The following ALG1L2 variants were observed in gnomAD, a reference collection of about 807,000 sequenced individuals.
ALG1L2 encodes the protein ALG1 chitobiosyldiphosphodolichol beta-mannosyltransferase like 2.
Under a neutral mutation model 29.0 loss-of-function variants are expected in ALG1L2, and 32 were observed. The ratio of observed to expected loss-of-function variants is 1.10; its 90% CI spans 0.83 to 1.48. The LOEUF (loss-of-function observed/expected upper bound fraction) is 1.48. ALG1L2 is among the 40% of genes most tolerant of loss of function. ALG1L2 has a pLI of 0.00. For synonymous variants in ALG1L2, 110 were observed against 109.5 expected (o/e 1.00, Z -0.03); for missense variants, 318 against 274.1 (o/e 1.16, Z -1.13).
At chr3:130,092,638 C>T (rs11718719) in intron 3 of ALG1L2, among the ~76,000 whole-genome samples, 5,391 of 152,266 alleles carry the variant, frequency 0.035, 163 homozygotes, top group Non-Finnish European at 0.058. Flanking sequence ...GGCTGAAATG[C>T]CCCCTCCAGG....
chr3:130,083,546 A>C (rs113198803), intron 1 of ALG1L2, among the ~76,000 whole-genome samples: 3 of 131,126 alleles, frequency 2.3e-5, no homozygotes, highest in African/African-American at 7.7e-5. Flanking sequence ...ACAAAGTACA[A>C]ATTACGTCAT....
chr3:130,097,657 C>T (rs1935172816), intron 7 of ALG1L2, among the ~76,000 whole-genome samples: 1 of 152,190 alleles, frequency 6.6e-6, no homozygotes. Context: ...TTCTTGTCAA[C>T]AGAATGATTG....
rs1935154137 is a variant in ALG1L2 at position 130,097,045 on chromosome 3, C to T, written c.540-130C>T. 4.8e-6 allele frequency: 7 copies of T among 1,470,124 alleles called. No homozygotes were observed. In the South Asian group the frequency reaches 5.6e-5, roughly 12 times the overall value. 91.1% of individuals were successfully genotyped at this position (1,470,124 alleles called of 1,614,324 possible). A position where few individuals can be genotyped will look rare whatever the true frequency, so the allele number is the denominator to read the frequency against. The stretch of plus-strand genomic sequence containing the variant: ...GATGCCAAATCTAAGAACCACCTCC[C>T]AGAAGCCACACACCCTGTTCCAACC... On this transcript the variant is annotated intron_variant, in intron 6 of 7. Coordinates refer to ENST00000425059, the MANE Select transcript of ALG1L2 (RefSeq NM_001136152.1).
At chr3:130,093,673 C>G (rs1935067478) in intron 4 of ALG1L2, among the ~76,000 whole-genome samples, 2 of 152,192 alleles carry the variant, frequency 1.3e-5, no homozygotes, top group Admixed American at 1.3e-4. Flanking sequence ...ATCCACCCGC[C>G]TTGGCCTCCC....
intron 1 of ALG1L2, among the ~76,000 whole-genome samples, chr3:130,085,796 C>A (rs1204686949): frequency 6.7e-6 from 1 of 148,612 alleles, no homozygotes; most frequent in East Asian, 1.9e-4. Context: ...AGGCAGAGAC[C>A]AGTGAGGGGC....
intron 1 of ALG1L2, among the ~76,000 whole-genome samples, chr3:130,090,005 G>A (rs1934981521): frequency 6.6e-6 from 1 of 152,302 alleles, no homozygotes; most frequent in South Asian, 2.1e-4. Flanking sequence ...TCACGCCACT[G>A]CACTCCAGCC....
intron 1 of ALG1L2, among the ~76,000 whole-genome samples, chr3:130,086,975 GGTTCC>G (rs1934902372): frequency 6.6e-6 from 1 of 151,312 alleles, no homozygotes; most frequent in Admixed American, 6.6e-5. Flanking sequence ...CAAAGCTCCA[GGTTCC>G]AGAACCTTCC....
At chr3:130,082,883 GA>G (rs1442392671) in intron 1 of ALG1L2, among the ~76,000 whole-genome samples, 1 of 143,312 alleles carries the variant, frequency 7.0e-6, no homozygotes, top group Non-Finnish European at 1.6e-5. Context: ...ACAGCACCAA[GA>G]GGTTGCACTT....
rs371083018 is a variant in ALG1L2 at position 130,090,044 on chromosome 3, T to C, written c.21-1217T>C. Reference sequence around the variant, plus strand: ...GGGACAAAAGTGAAAAATCCATCTCTAAATAAATAAATAGAAAAATAAAAC... The same window carrying C: ...GGGACAAAAGTGAAAAATCCATCTCCAAATAAATAAATAGAAAAATAAAAC... On this transcript the variant is annotated intron_variant, in intron 1 of 7. Coordinates refer to ENST00000425059, the MANE Select transcript of ALG1L2 (RefSeq NM_001136152.1). Among the ~76,000 whole-genome samples, 18 of 151,698 alleles carry C rather than the reference T, an allele frequency of 1.2e-4. No individual in the cohort carries two copies. In the South Asian group the frequency reaches 3.7e-3, roughly 32 times the overall value.
Position 130,092,058 on chromosome 3 carries a change from C to A in ALG1L2, c.132-43C>A, listed in dbSNP as rs754967789. The A allele has an allele frequency of 6.8e-6, 11 of 1,607,500 alleles. No individual in the cohort carries two copies. The East Asian group carries it at 9.0e-5, about 13-fold the overall frequency. Reference sequence around the variant, plus strand: ...GGAGATGCCCGTTCTGGGTCCTGGGCCTGCTCTGTGGCCTCTCACAGGGTT... The same window carrying A: ...GGAGATGCCCGTTCTGGGTCCTGGGACTGCTCTGTGGCCTCTCACAGGGTT... On this transcript the variant is annotated intron_variant, in intron 2 of 7. Coordinates refer to ENST00000425059, the MANE Select transcript of ALG1L2 (RefSeq NM_001136152.1).
chr3:130,083,903 G>C (rs1934837874), intron 1 of ALG1L2, among the ~76,000 whole-genome samples: 1 of 150,776 alleles, frequency 6.6e-6, no homozygotes, highest in African/African-American at 2.4e-5. Flanking sequence ...GTGGGGATGT[G>C]GGGTACAGGA....
chr3:130,089,052 TG>T lies in ALG1L2; in HGVS notation c.21-2207del, dbSNP rs1934953415. On this transcript the variant is annotated intron_variant, in intron 1 of 7. Transcript: ENST00000425059. ...AGGGCTAGCCAACTTCTGGTATTGC[TG>T]GTGGGTCCTGTCATTGTGTGGGTGA... 2.0e-5 allele frequency among the ~76,000 whole-genome samples: 3 copies of T among 152,148 alleles called. No individual in the cohort carries two copies. In the South Asian group the frequency reaches 6.2e-4, roughly 32 times the overall value.
At chr3:130,086,345 G>A (rs1228736294) in intron 1 of ALG1L2, among the ~76,000 whole-genome samples, 18 of 145,816 alleles carry the variant, frequency 1.2e-4, no homozygotes, top group African/African-American at 4.9e-5. Context: ...ATTATTCCTG[G>A]AGCGAATGTG....
At chr3:130,092,462 G>A (rs1935038668) in intron 3 of ALG1L2, among the ~76,000 whole-genome samples, 1 of 152,210 alleles carries the variant, frequency 6.6e-6, no homozygotes, top group Non-Finnish European at 1.5e-5. Flanking sequence ...TGTGGCTGCG[G>A]TGAGGAGCTC....
At position 130,094,490 on chromosome 3, in the gene ALG1L2, G is replaced by A. The variant is rs1163010511; in HGVS notation, c.401G>A (p.Gly134Asp). The A allele has an allele frequency of 6.3e-7, 1 of 1,595,942 alleles. No homozygotes were observed. The highest frequency in any genetic ancestry group is 2.2e-5 in the East Asian group (1 of 44,850). ...CAGGTCTGCATCCCCTGGCTGGAGGGCCGAGGACTACCCCCGCTTCTAGGT... is the reference window on the plus strand; with the variant it reads ...CAGGTCTGCATCCCCTGGCTGGAGGACCGAGGACTACCCCCGCTTCTAGGT... ...HIQVCIPWLE[G>D]RGLPPLLGSV... is the part of the protein sequence containing the mutation. The change falls in exon 5 of 8, where the codon GGC (glycine) becomes GAC (aspartate). Residue 134 changes from glycine (G) to aspartate (D), a missense_variant. Gly to Asp is a moderately conservative substitution (Grantham distance 94). Coordinates refer to ENST00000425059, the MANE Select transcript of ALG1L2 (RefSeq NM_001136152.1).
chr3:130,086,103 C>T (rs965247633), intron 1 of ALG1L2, among the ~76,000 whole-genome samples: 7 of 151,554 alleles, frequency 4.6e-5, no homozygotes, highest in South Asian at 2.1e-4. Flanking sequence ...CCTCTTGGCC[C>T]CAACCAACAT....
In ALG1L2 at chr3:130,095,948, A is replaced by G. The variant is rs537589382; in HGVS notation, c.425-101A>G. On this transcript the variant is annotated intron_variant, in intron 5 of 7. Coordinates refer to ENST00000425059, the MANE Select transcript of ALG1L2 (RefSeq NM_001136152.1). The stretch of plus-strand genomic sequence containing the variant: ...GTTGGGGATGTCGGGGGCCTTATCC[A>G]ATTTTCACTCCCCTCGGGGGGTGTT... 1.8e-3 allele frequency: 2,378 copies of G among 1,322,172 alleles called. 4 individuals are homozygous for G. The highest frequency in any genetic ancestry group is 2.3e-3 in the Non-Finnish European group (2,143 of 944,766). 81.9% of individuals were successfully genotyped at this position (1,322,172 alleles called of 1,614,324 possible). A position where few individuals can be genotyped will look rare whatever the true frequency, so the allele number is the denominator to read the frequency against.
Position 130,097,249 on chromosome 3 carries a change from A to C in ALG1L2, c.614A>C (p.Gln205Pro), listed in dbSNP as rs776262075. 4 of 1,607,496 alleles carry C rather than the reference A, an allele frequency of 2.5e-6. No individual in the cohort carries two copies. In the South Asian group the frequency reaches 4.4e-5, roughly 18 times the overall value. Residue 205 changes from glutamine (Q) to proline (P), a missense_variant and splice_region_variant, in exon 7 of 8, where the codon CAG becomes CCG. Physicochemically the swap from Gln to Pro is moderately conservative, Grantham distance 76 (BLOSUM62 -1). Transcript: ENST00000425059. ...EDSEELAAQL[Q>P]YFADAFLKLS The stretch of plus-strand genomic sequence containing the variant: ...TCAGAGGAACTGGCAGCTCAGCTGC[A>C]GGTAGCCATGTCTGCCACCACGCCA...
chr3:130,094,449 G>T lies in ALG1L2; in HGVS notation c.360G>T (p.Lys120Asn). ...REYYSRLIHQ[K>N]HFQHIQVCIP... ...ATTACAGCCGCCTCATCCACCAGAA[G>T]CATTTCCAGCACATCCAGGTCTGCA... The change falls in exon 5 of 8, where the codon AAG becomes AAT. Residue 120 changes from lysine to asparagine, a missense_variant. By Grantham distance (94) the Lys-to-Asn change is moderately conservative. Transcript: ENST00000425059. 2.5e-6 allele frequency: 4 copies of T among 1,596,294 alleles called. No individual in the cohort carries two copies. Among genetic ancestry groups the T allele is most frequent in the Non-Finnish European group, 3.4e-6 (4 of 1,179,690 alleles).
Sources: allele counts gnomAD v4.1 joint callset (sites outside exome capture counted in the v4.1 genomes callset), GRCh38; gene constraint gnomAD v4.1.1; transcripts MANE v1.5; gene names NCBI Gene and HGNC (gene_info 2026-07-23, HGNC 2026-07-21).